The following VPS54 variants were observed in gnomAD, a reference collection of about 807,000 sequenced individuals.
VPS54 encodes VPS54 subunit of GARP complex.
A neutral mutation model predicts 121.5 loss-of-function variants in VPS54; 45 were observed. The observed-to-expected ratio is 0.37, with a 90% CI of 0.29 to 0.47. The LOEUF (loss-of-function observed/expected upper bound fraction) is 0.47, where lower values mean the gene tolerates loss of function less well. Ranked by LOEUF, VPS54 falls within the 20% of genes least tolerant of loss-of-function variation. The probability of loss-of-function intolerance (pLI) is 0.99; values close to 1 mark genes in which losing one functional copy is unlikely to be tolerated. For missense variants in VPS54, 1,090 were observed against 1,131.4 expected, an observed-to-expected ratio of 0.96 and a Z score of 0.52; for synonymous variants, 371 against 385.8, an observed-to-expected ratio of 0.96 and a Z score of 0.45.
At chr2:64,015,574 G>T (rs2104715465) in intron 1 of VPS54, among the ~76,000 whole-genome samples, 1 of 152,246 alleles carries the variant, frequency 6.6e-6, no homozygotes, top group African/African-American at 2.4e-5. Context: ...AGGGTATTTA[G>T]CAACATCCTT....
rs540249906 is a variant in VPS54 at position 63,972,458 on chromosome 2, T to C, written c.379-214A>G. 3.9e-5 allele frequency among the ~76,000 whole-genome samples: 6 copies of C among 152,344 alleles called. No individual in the cohort carries two copies. In the East Asian group the frequency reaches 1.2e-3, roughly 29 times the overall value. On this transcript the variant is annotated intron_variant, in intron 3 of 22. Coordinates refer to ENST00000272322, the MANE Select transcript of VPS54 (RefSeq NM_016516.3). ...ATGCACATCTATATACCTACATCCATTCCATCTCATATAATTATAGTAAAA... is the reference window on the plus strand; with the variant it reads ...ATGCACATCTATATACCTACATCCACTCCATCTCATATAATTATAGTAAAA...
At chr2:63,914,873 C>A (rs1223412755) in intron 16 of VPS54, among the ~76,000 whole-genome samples, 1 of 151,952 alleles carries the variant, frequency 6.6e-6, no homozygotes, top group Non-Finnish European at 1.5e-5. Context: ...GTGGCTCACA[C>A]CTGTAATCCC....
intron 20 of VPS54, among the ~76,000 whole-genome samples, chr2:63,910,675 G>A (rs890449226): frequency 4.6e-5 from 7 of 152,050 alleles, no homozygotes; most frequent in Non-Finnish European, 5.9e-5. Flanking sequence ...AAGGCAAATT[G>A]TTAATAACGA....
chr2:63,962,363 C>G lies in VPS54; in HGVS notation c.705G>C (p.Met235Ile). 1 of 1,613,688 alleles carries G rather than the reference C, an allele frequency of 6.2e-7. No homozygotes were observed. Among genetic ancestry groups the G allele is most frequent in the Non-Finnish European group, 8.5e-7 (1 of 1,179,844 alleles). ...SLRSEAFFHA[M>I]TSQHELQDYL... ...AGTCCTGCAACTCGTGTTGAGAGGTCATTGCATGAAAAAATGCTTCTGAAC... is the reference window on the plus strand; with the variant it reads ...AGTCCTGCAACTCGTGTTGAGAGGTGATTGCATGAAAAAATGCTTCTGAAC... The change falls in exon 7 of 23, where the codon ATG (methionine) becomes ATC (isoleucine). Residue 235 changes from methionine to isoleucine, a missense_variant. Met to Ile is a conservative substitution (Grantham distance 10). Transcript: ENST00000272322.
intron 12 of VPS54, among the ~76,000 whole-genome samples, chr2:63,923,579 G>A (rs1338935135): frequency 6.6e-6 from 1 of 152,152 alleles, no homozygotes; most frequent in African/African-American, 2.4e-5. Context: ...CATCTTGTAT[G>A]TATATATCAC....
chr2:63,957,430 A>G (rs1675553381), intron 7 of VPS54, among the ~76,000 whole-genome samples: 1 of 145,408 alleles, frequency 6.9e-6, no homozygotes, highest in Non-Finnish European at 1.5e-5. Flanking sequence ...CAACAGAGCA[A>G]GACTCCATCT....
intron 4 of VPS54, among the ~76,000 whole-genome samples, chr2:63,970,713 G>T (rs765015569): frequency 4.6e-5 from 7 of 152,022 alleles, no homozygotes; most frequent in Non-Finnish European, 1.0e-4. Flanking sequence ...TTCTCTCTTG[G>T]TTGACTTTCC....
At chr2:63,961,510 T>TA (rs35585799) in intron 7 of VPS54, among the ~76,000 whole-genome samples, 22,531 of 152,050 alleles carry the variant, frequency 0.15, 1,906 homozygotes, top group Middle Eastern at 0.2. Flanking sequence ...GGCTTGCAAT[T>TA]AGTCTATAAA....
chr2:64,012,612 T>C (rs1678480329), intron 1 of VPS54, among the ~76,000 whole-genome samples: 1 of 151,970 alleles, frequency 6.6e-6, no homozygotes, highest in African/African-American at 2.4e-5. Context: ...GTTTTTGATC[T>C]TACCTCTTCC....
Position 63,907,329 on chromosome 2 carries a change from A to C in VPS54, c.2625+5016T>G, listed in dbSNP as rs749257357. Among the ~76,000 whole-genome samples, 15 of 151,644 alleles carry C rather than the reference A, an allele frequency of 9.9e-5. No individual in the cohort carries two copies. In the South Asian group the frequency reaches 1.5e-3, roughly 15 times the overall value. ...AGGTCGGGAGTTTGAGACCAGCCTG[A>C]CCAACATGGAGAAACCTCGTCTCTA... On this transcript the variant is annotated intron_variant, in intron 20 of 22. Coordinates refer to ENST00000272322, the MANE Select transcript of VPS54 (RefSeq NM_016516.3).
At chr2:63,911,734 T>C (rs1295705530) in intron 20 of VPS54, among the ~76,000 whole-genome samples, 1 of 152,340 alleles carries the variant, frequency 6.6e-6, no homozygotes, top group Admixed American at 6.5e-5. Context: ...TTATTCCAAA[T>C]ATGATCTTGG....
intron 18 of VPS54, 148 bp downstream of exon 18, chr2:63,913,075 G>C (rs777551004): frequency 5.0e-5 from 31 of 618,936 alleles, no homozygotes; most frequent in Non-Finnish European, 7.4e-5. Flanking sequence ...TCAGTGATGA[G>C]TATACATAAA....
chr2:63,902,949 A>G (rs1222061145), intron 20 of VPS54, among the ~76,000 whole-genome samples: 3 of 152,096 alleles, frequency 2.0e-5, no homozygotes, highest in African/African-American at 7.3e-5. Flanking sequence ...GCCTGGGCGA[A>G]AGAGTGAGAC....
chr2:63,928,962 G>T (rs946678018), intron 12 of VPS54, among the ~76,000 whole-genome samples: 9 of 151,694 alleles, frequency 5.9e-5, no homozygotes, highest in African/African-American at 2.2e-4. Context: ...TCAACAAGAA[G>T]AACTAACTAT....
At chr2:64,018,373 G>A (rs1308055711) in intron 1 of VPS54, among the ~76,000 whole-genome samples, 2 of 152,212 alleles carry the variant, frequency 1.3e-5, no homozygotes, top group African/African-American at 2.4e-5. Flanking sequence ...AACGACGGGA[G>A]AGCAGAAACG....
intron 5 of VPS54, 98 bp from the exon 6 acceptor site, chr2:63,966,064 C>G: frequency 4.0e-6 from 5 of 1,239,960 alleles, no homozygotes; most frequent in Non-Finnish European, 5.5e-6. Flanking sequence ...TAACGTGGAT[C>G]TTGAGTATGA....
Position 63,916,931 on chromosome 2 carries a change from T to C in VPS54, c.2197A>G (p.Ile733Val). The C allele has an allele frequency of 6.2e-7, 1 of 1,613,592 alleles. No homozygotes were observed. The highest frequency in any genetic ancestry group is 8.5e-7 in the Non-Finnish European group (1 of 1,179,654). The change falls in exon 16 of 23, where the codon ATT becomes GTT. Residue 733 changes from isoleucine to valine, a missense_variant. Ile to Val is a conservative substitution (Grantham distance 29). Around this residue, in one of 2 missense-constraint regions of VPS54, gnomAD observed 289 missense variants for 374.4 expected, o/e 0.77. Transcript: ENST00000272322. ...TEERKPAEVL[I>V]VEGQQYAVVG... ...ACTGCATACTGTTGTCCCTCGACAA[T>C]AAGAACTTCAGCTGGTTTCCTTTCT...
intron 1 of VPS54, among the ~76,000 whole-genome samples, chr2:64,014,836 G>T (rs1287207379): frequency 6.6e-6 from 1 of 152,126 alleles, no homozygotes; most frequent in Non-Finnish European, 1.5e-5. Flanking sequence ...AGAATAACTT[G>T]AGTAACTTAT....
chr2:63,923,874 T>G (rs1237399484), intron 12 of VPS54, among the ~76,000 whole-genome samples: 2 of 152,216 alleles, frequency 1.3e-5, no homozygotes, highest in Non-Finnish European at 2.9e-5. Flanking sequence ...TATCAGTGAT[T>G]CAATTATATA....
Sources: gnomAD v4.1 joint callset for allele counts (sites outside exome capture counted in the v4.1 genomes callset) on GRCh38, gnomAD v4.1.1 for gene constraint, gnomAD v4.1.1 regional missense constraint, MANE v1.5 for transcripts, NCBI Gene and HGNC (gene_info 2026-07-23, HGNC 2026-07-21) for gene names.